Variants in CYFIP1 observed in about 807,000 individuals in gnomAD.
CYFIP1 encodes cytoplasmic FMR1 interacting protein 1, also known as cytoplasmic FMR1-interacting protein 1.
In CYFIP1, 58 loss-of-function variants were observed where a neutral mutation model predicts 163.5. The observed-to-expected ratio is 0.35, with a 90% CI of 0.29 to 0.44. The LOEUF is 0.44. Ranked by LOEUF, CYFIP1 falls within the 20% of genes least tolerant of loss-of-function variation. CYFIP1 has a pLI of 1.00. For synonymous variants in CYFIP1, 663 were observed against 660.7 expected (o/e 1.00, Z -0.05); for missense variants, 1,338 against 1,653.8 (o/e 0.81, Z 3.31).
At position 22,883,112 on chromosome 15, in the gene CYFIP1, C is replaced by T. The variant is rs145160137; in HGVS notation, c.2677-101G>A. ...CTCAACACACACAGGCTCAGGTGAG[C>T]GGGTCTGAGTCTACTGACTTGTAAA... On this transcript the variant is annotated intron_variant, in intron 23 of 30. Coordinates refer to ENST00000617928, the MANE Select transcript of CYFIP1 (RefSeq NM_014608.6). 330 of 1,412,496 alleles carry T rather than the reference C, an allele frequency of 2.3e-4. 1 individual carries two copies. The African/African-American group carries it at 4.1e-3, about 18-fold the overall frequency. The allele number at this position is 1,412,496 out of a possible 1,614,324, so 87.5% of individuals were successfully genotyped here.
At chr15:22,935,368 C>T (rs1239645615) in intron 9 of CYFIP1, among the ~76,000 whole-genome samples, 2 of 152,178 alleles carry the variant, frequency 1.3e-5, no homozygotes, top group Admixed American at 6.5e-5. Context: ...GGAAGCCATA[C>T]TGGGAAAGAT....
chr15:22,924,353 G>A (rs548618154), intron 13 of CYFIP1, among the ~76,000 whole-genome samples: 47 of 152,292 alleles, frequency 3.1e-4, no homozygotes, highest in African/African-American at 1.0e-3. Context: ...GAACCCGGGA[G>A]GGAGAAGTTG....
chr15:22,905,564 G>A lies in CYFIP1; in HGVS notation c.2389-1659C>T, dbSNP rs574983377. ...AGCGATTCCCCTGCCTCAGCATCCC[G>A]AGTAGCTGGGACTACAAGCGTGTGC... On this transcript the variant is annotated intron_variant, in intron 21 of 30. Coordinates refer to ENST00000617928, the MANE Select transcript of CYFIP1 (RefSeq NM_014608.6). The A allele has an allele frequency of 1.0e-4, 15 of 147,134 alleles. No homozygotes were observed. In the East Asian group the frequency reaches 1.2e-3, roughly 12 times the overall value. 9.1% of individuals were successfully genotyped at this position (147,134 alleles called of 1,614,324 possible). A position where few individuals can be genotyped will look rare whatever the true frequency, so the allele number is the denominator to read the frequency against.
intron 11 of CYFIP1, among the ~76,000 whole-genome samples, chr15:22,929,224 CA>C (rs201923127): frequency 0.041 from 4,227 of 103,546 alleles, 124 homozygotes; most frequent in East Asian, 0.13. Context: ...AACTCCATCT[CA>C]AAAAAAAAAA....
At chr15:22,916,125 C>A (rs1215207937) in intron 16 of CYFIP1, among the ~76,000 whole-genome samples, 1 of 152,184 alleles carries the variant, frequency 6.6e-6, no homozygotes, top group Non-Finnish European at 1.5e-5. Flanking sequence ...CGCCACCTTC[C>A]CCCCACGTCA....
At chr15:22,948,808 TA>T (rs3083516) in intron 1 of CYFIP1, among the ~76,000 whole-genome samples, 48 of 139,710 alleles carry the variant, frequency 3.4e-4, no homozygotes, top group Non-Finnish European at 3.8e-4. Context: ...TACTGAAATG[TA>T]AAAAAAAAAA....
intron 1 of CYFIP1, among the ~76,000 whole-genome samples, chr15:22,973,250 G>A (rs1454799000): frequency 6.9e-6 from 1 of 145,668 alleles, no homozygotes; most frequent in Non-Finnish European, 1.5e-5. Flanking sequence ...AAAGGGCAAG[G>A]CTGCAGTAAG....
At chr15:22,944,532 C>A (rs201652267) in intron 5 of CYFIP1, 26 bp downstream of exon 5, 173 of 1,515,808 alleles carry the variant, frequency 1.1e-4, no homozygotes, top group Non-Finnish European at 1.5e-4. Flanking sequence ...GGTGTTACAC[C>A]CCCCCCAGAT....
intron 15 of CYFIP1, 75 bp from the exon 16 acceptor site, chr15:22,916,705 C>T: frequency 6.2e-7 from 1 of 1,614,096 alleles, no homozygotes. Flanking sequence ...TCAAAAAGCC[C>T]ATGAGAGAAG....
chr15:22,895,543 G>A (rs1410815739), intron 22 of CYFIP1, among the ~76,000 whole-genome samples: 1 of 152,146 alleles, frequency 6.6e-6, no homozygotes, highest in Non-Finnish European at 1.5e-5. Context: ...GGTGGCCTCT[G>A]GCCCAGTTCT....
rs2061030370 is a variant in CYFIP1, at chr15:22,917,585, T to C, written c.1674+203A>G. 4 of 651,240 alleles carry C rather than the reference T, an allele frequency of 6.1e-6. No homozygotes were observed. Among genetic ancestry groups the C allele is most frequent in the Non-Finnish European group, 1.0e-5 (4 of 401,942 alleles). 40.3% of individuals were successfully genotyped at this position (651,240 alleles called of 1,614,324 possible). On this transcript the variant is annotated intron_variant, in intron 15 of 30. Coordinates refer to ENST00000617928, the MANE Select transcript of CYFIP1 (RefSeq NM_014608.6). The surrounding 1 kb of genome is among the most constrained non-coding windows in gnomAD (Gnocchi z 4.2). ...TCCTTTTTAGTGCACATGACACATC[T>C]GACAATCAAGGCACGTCTCCTCACG...
intron 17 of CYFIP1, among the ~76,000 whole-genome samples, chr15:22,914,328 T>G (rs2060896529): frequency 6.6e-6 from 1 of 152,142 alleles, no homozygotes; most frequent in Admixed American, 6.5e-5. Flanking sequence ...ACGTGACTGG[T>G]TCTAGTGCCT....
intron 24 of CYFIP1, 125 bp downstream of exon 24, chr15:22,882,743 G>A: frequency 9.0e-7 from 1 of 1,108,828 alleles, no homozygotes. Flanking sequence ...GGTCAGAAAT[G>A]TTTGAAGCCT....
chr15:22,980,767 C>T (rs1422524380), upstream of CYFIP1, among the ~76,000 whole-genome samples: 1 of 152,098 alleles, frequency 6.6e-6, no homozygotes, highest in African/African-American at 2.4e-5. Context: ...GCCCGTGTGG[C>T]GCCGCCCCAC....
intron 24 of CYFIP1, 126 bp downstream of exon 24, chr15:22,882,742 T>C: frequency 9.2e-7 from 1 of 1,085,818 alleles, no homozygotes; most frequent in African/African-American, 1.6e-5. Context: ...TGGTCAGAAA[T>C]GTTTGAAGCC....
intron 1 of CYFIP1, among the ~76,000 whole-genome samples, chr15:22,952,601 G>A (rs963160732): frequency 7.9e-6 from 1 of 126,724 alleles, no homozygotes; most frequent in Non-Finnish European, 1.6e-5. Flanking sequence ...GTTGCAGTGA[G>A]CTGAGATCGC....
At chr15:22,934,485 C>CTTTTTTTT (rs35881374) in intron 9 of CYFIP1, among the ~76,000 whole-genome samples, 1 of 49,798 alleles carries the variant, frequency 2.0e-5, no homozygotes, top group African/African-American at 8.2e-5. Flanking sequence ...GCACCCAGCC[C>CTTTTTTTT]TTTTTTTTTT....
At chr15:22,960,035 G>A (rs1296096126) in intron 1 of CYFIP1, among the ~76,000 whole-genome samples, 1 of 152,182 alleles carries the variant, frequency 6.6e-6, no homozygotes, top group African/African-American at 2.4e-5. Context: ...CCCTTCTCCT[G>A]CACCAAGTGC....
chr15:22,914,612 A>G, intron 17 of CYFIP1, 114 bp downstream of exon 17: 2 of 1,187,170 alleles, frequency 1.7e-6, no homozygotes, highest in African/African-American at 1.6e-5. Flanking sequence ...GCCCAGGCCC[A>G]GAAACTTGAT....
Sources: allele counts gnomAD v4.1 joint callset (sites outside exome capture counted in the v4.1 genomes callset), GRCh38; gene constraint gnomAD v4.1.1; non-coding constraint Gnocchi (gnomAD v3.1); transcripts MANE v1.5; gene names NCBI Gene and HGNC (gene_info 2026-07-23, HGNC 2026-07-21).